Variants in GABRR3 observed in about 807,000 individuals in gnomAD.
GABRR3 encodes gamma-aminobutyric acid receptor subunit rho-3.
A neutral mutation model predicts 43.2 loss-of-function variants in GABRR3; 29 were observed. The observed-to-expected ratio is 0.67, with a 90% CI of 0.50 to 0.92. The LOEUF (loss-of-function observed/expected upper bound fraction) is 0.92. Among genes scored for constraint, GABRR3 ranks in the 40% least tolerant of loss-of-function variants. The pLI is 0.00. For synonymous variants in GABRR3, 206 were observed against 195.9 expected (o/e 1.05, Z -0.43); for missense variants, 576 against 572.3 (o/e 1.01, Z -0.07).
chr3:97,988,771 A>G (rs1223263477), intron 9 of GABRR3, among the ~76,000 whole-genome samples: 2 of 149,052 alleles, frequency 1.3e-5, no homozygotes, highest in Admixed American at 6.7e-5. Flanking sequence ...GATGGTGCTC[A>G]TGATGGTGGC....
At chr3:98,023,579 T>C (rs1379248345) in intron 3 of GABRR3, among the ~76,000 whole-genome samples, 3 of 152,082 alleles carry the variant, frequency 2.0e-5, no homozygotes, top group Admixed American at 6.6e-5. Context: ...ATATAAACTT[T>C]GGGAAAATTT....
chr3:98,027,218 T>C lies in GABRR3; in HGVS notation c.126-1539A>G, dbSNP rs75744375. 2.0e-5 allele frequency among the ~76,000 whole-genome samples: 3 copies of C among 152,330 alleles called. No homozygotes were observed. The South Asian group carries it at 6.2e-4, about 32-fold the overall frequency. On this transcript the variant is annotated intron_variant, in intron 2 of 9. Transcript: ENST00000621172. Reference sequence around the variant, plus strand: ...CAAGCCAAAGTAAACATTATTTTCATTGGCATACATCCAAATTATGCTCTG... The same window carrying C: ...CAAGCCAAAGTAAACATTATTTTCACTGGCATACATCCAAATTATGCTCTG...
At chr3:97,988,546 A>G (rs2107223428) in intron 9 of GABRR3, among the ~76,000 whole-genome samples, 1 of 151,618 alleles carries the variant, frequency 6.6e-6, no homozygotes. Context: ...GGTGGTGGAT[A>G]GTAATAATGT....
At chr3:98,000,558 A>G (rs1439776503) in intron 8 of GABRR3, 1 of 152,118 alleles carries the variant, frequency 6.6e-6, no homozygotes, top group Non-Finnish European at 1.5e-5. Context: ...ATGCTTGTAG[A>G]TTGAATATTT....
intron 9 of GABRR3, among the ~76,000 whole-genome samples, chr3:97,989,999 A>G (rs971481220): frequency 7.9e-5 from 12 of 152,128 alleles, no homozygotes; most frequent in Non-Finnish European, 1.5e-5. Context: ...GTCATCTATT[A>G]GCCCCCAAAC....
At chr3:98,013,182 T>C (rs1484112637) in intron 4 of GABRR3, among the ~76,000 whole-genome samples, 2 of 152,218 alleles carry the variant, frequency 1.3e-5, no homozygotes, top group Non-Finnish European at 2.9e-5. Flanking sequence ...GTGCAAAGAC[T>C]GACTTTTGAA....
intron 9 of GABRR3, among the ~76,000 whole-genome samples, chr3:97,991,106 G>C (rs1215192343): frequency 6.6e-6 from 1 of 152,182 alleles, no homozygotes; most frequent in Non-Finnish European, 1.5e-5. Context: ...TGGGGGCAGG[G>C]AGTTGTAGAC....
chr3:97,985,164 A>T (rs1664527030), downstream of GABRR3, among the ~76,000 whole-genome samples: 1 of 152,236 alleles, frequency 6.6e-6, no homozygotes, highest in South Asian at 2.1e-4. Context: ...GTATCGGAAT[A>T]TTTCATATTT....
intron 3 of GABRR3, among the ~76,000 whole-genome samples, chr3:98,023,440 G>A (rs1020732865): frequency 1.3e-5 from 2 of 152,060 alleles, no homozygotes; most frequent in Non-Finnish European, 2.9e-5. Context: ...GAAAACCCAG[G>A]GACAGGCAAA....
At chr3:98,000,371 G>T (rs1298352275) in intron 8 of GABRR3, 1 of 152,118 alleles carries the variant, frequency 6.6e-6, no homozygotes, top group Non-Finnish European at 1.5e-5. Flanking sequence ...TATAGACTGA[G>T]TGCTTTCCTC....
chr3:98,030,477 T>A (rs1707073952), intron 2 of GABRR3, among the ~76,000 whole-genome samples: 1 of 152,208 alleles, frequency 6.6e-6, no homozygotes, highest in East Asian at 1.9e-4. Flanking sequence ...GTTTCTATGC[T>A]ATGATTTTAA....
At chr3:97,986,155 G>A (rs919844444), downstream of GABRR3, among the ~76,000 whole-genome samples, 4 of 152,078 alleles carry the variant, frequency 2.6e-5, no homozygotes, top group Admixed American at 6.6e-5. Context: ...CATGAGCCAC[G>A]GCACCTGGCC....
At chr3:97,993,129 C>A (rs964554704) in intron 8 of GABRR3, 81 bp from the exon 9 acceptor site, 23 of 1,140,248 alleles carry the variant, frequency 2.0e-5, no homozygotes, top group Non-Finnish European at 2.8e-5. Flanking sequence ...CCAGGGGATG[C>A]ATTTCTAGAA....
chr3:98,032,870 G>A (rs1383332626), intron 2 of GABRR3, among the ~76,000 whole-genome samples: 2 of 152,060 alleles, frequency 1.3e-5, no homozygotes, highest in Non-Finnish European at 2.9e-5. Context: ...TAGAAGAGTG[G>A]ATTATTCATT....
At chr3:98,007,084 A>G (rs1706731597) in intron 7 of GABRR3, among the ~76,000 whole-genome samples, 1 of 152,150 alleles carries the variant, frequency 6.6e-6, no homozygotes, top group Non-Finnish European at 1.5e-5. Context: ...AGGCACTCAC[A>G]CAACAAAGCA....
intron 8 of GABRR3, among the ~76,000 whole-genome samples, chr3:97,996,327 T>C (rs973841543): frequency 1.3e-5 from 2 of 152,214 alleles, no homozygotes; most frequent in Non-Finnish European, 2.9e-5. Context: ...CATTGCTCTA[T>C]GACCAGAAAC....
rs142434388 is a variant in GABRR3 at position 97,991,969 on chromosome 3, G to A, written c.1104+883C>T. ...ACTATATGCACATATGTATGTGTGC[G>A]TATGTGTGTTTATTCTGTTAAGTGT... On this transcript the variant is annotated intron_variant, in intron 9 of 9. Transcript: ENST00000621172. Among the ~76,000 whole-genome samples the A allele has an allele frequency of 3.2e-3, 485 of 152,182 alleles. 3 individuals carry two copies. Among genetic ancestry groups the A allele is most frequent in the Middle Eastern group, 3.4e-3 (1 of 294 alleles).
chr3:97,987,970 A>G (rs1027352922), intron 9 of GABRR3, among the ~76,000 whole-genome samples: 6 of 151,224 alleles, frequency 4.0e-5, no homozygotes, highest in Non-Finnish European at 5.9e-5. Flanking sequence ...ATTCTCTTTT[A>G]TTTAACTTTA....
At chr3:98,025,608 TGGA>T (rs1244126744) in exon 3 of GABRR3, 1 of 1,613,076 alleles carries the variant, frequency 6.2e-7, no homozygotes, top group Non-Finnish European at 8.5e-7. Flanking sequence ...GTCCTCTATA[TGGA>T]GAAGTTGCTC....
Sources: gnomAD v4.1 joint callset for allele counts (sites outside exome capture counted in the v4.1 genomes callset) on GRCh38, gnomAD v4.1.1 for gene constraint, MANE v1.5 for transcripts, NCBI Gene and HGNC (gene_info 2026-07-23, HGNC 2026-07-21) for gene names.